PDS5A: variants seen among roughly 807,000 people sequenced by gnomAD.
PDS5A encodes the protein sister chromatid cohesion protein PDS5 homolog A.
Under a neutral mutation model 167.1 loss-of-function variants are expected in PDS5A, and 42 were observed. The observed-to-expected ratio is 0.25, with a 90% confidence interval of 0.20 to 0.33. The LOEUF (loss-of-function observed/expected upper bound fraction) is 0.33. PDS5A is among the 10% of genes least tolerant of loss of function. The pLI, the probability that PDS5A is intolerant of heterozygous loss-of-function variation, is 1.00. For synonymous variants in PDS5A, 553 were observed against 554.6 expected (o/e 1.00, Z 0.04); for missense variants, 1,033 against 1,605.9 (o/e 0.64, Z 6.10).
At chr4:39,849,278 A>C (rs1014564436) in intron 27 of PDS5A, among the ~76,000 whole-genome samples, 10 of 152,170 alleles carry the variant, frequency 6.6e-5, no homozygotes, top group African/African-American at 2.2e-4. Flanking sequence ...AATATACCAT[A>C]GTTGTACATT....
At chr4:39,842,909 T>TTATATATATATATATA (rs71194933) in intron 30 of PDS5A, among the ~76,000 whole-genome samples, 3,427 of 91,762 alleles carry the variant, frequency 0.037, 170 homozygotes, top group Non-Finnish European at 0.042. Flanking sequence ...TATCCTATTT[T>TTATATATATATATATA]TATATATATA....
intron 7 of PDS5A, among the ~76,000 whole-genome samples, chr4:39,917,710 G>T (rs1394664120): frequency 6.6e-6 from 1 of 152,040 alleles, no homozygotes; most frequent in Non-Finnish European, 1.5e-5. Context: ...GAGTAGCTGG[G>T]ATTACAGGAA....
chr4:39,944,711 AC>A (rs1560506125), intron 2 of PDS5A, among the ~76,000 whole-genome samples: 4 of 151,394 alleles, frequency 2.6e-5, no homozygotes, highest in African/African-American at 2.4e-5. Context: ...AAAAAAAAAA[AC>A]AAAAAGCTGA....
At chr4:39,974,143 T>C (rs1411495457) in intron 2 of PDS5A, 1 of 574,136 alleles carries the variant, frequency 1.7e-6, no homozygotes, top group African/African-American at 1.9e-5. Flanking sequence ...AAAACCGTGC[T>C]GCATACTCTC....
At chr4:39,898,620 G>T in intron 15 of PDS5A, 92 bp from the exon 16 acceptor site, 1 of 957,656 alleles carries the variant, frequency 1.0e-6, no homozygotes, top group Non-Finnish European at 1.5e-6. Context: ...ATATTGCGGA[G>T]CCACTAAAAG....
chr4:39,918,439 C>T (rs946428454), intron 7 of PDS5A, among the ~76,000 whole-genome samples: 30 of 151,856 alleles, frequency 2.0e-4, no homozygotes, highest in African/African-American at 5.6e-4. Flanking sequence ...TGCACACCAC[C>T]GTCACACATG....
chr4:39,931,725 G>A (rs1267056996), intron 2 of PDS5A, among the ~76,000 whole-genome samples: 1 of 152,054 alleles, frequency 6.6e-6, no homozygotes, highest in Non-Finnish European at 1.5e-5. Context: ...AGCCTGTTCC[G>A]TTACTCAGGA....
Position 39,866,864 on chromosome 4 carries a change from A to T in PDS5A, c.2639T>A (p.Ile880Asn). The change falls in exon 23 of 33, where the codon ATC (isoleucine) becomes AAC (asparagine). Residue 880 changes from isoleucine to asparagine, a missense_variant. This residue lies in a region of PDS5A where 367 missense variants were observed against 686.7 expected (regional missense o/e 0.53). Transcript: ENST00000303538. ...SEGDLTEQKR[I>N]SKSDMSRLRL... The stretch of plus-strand genomic sequence containing the variant: ...TGGAAAGAAAGAAAAATCTCACCTG[A>T]TCCTCTTTTGCTCTGTCAGGTCACC... 1 of 1,601,828 alleles carries T rather than the reference A, an allele frequency of 6.2e-7. No individual in the cohort carries two copies. The highest frequency in any genetic ancestry group is 8.5e-7 in the Non-Finnish European group (1 of 1,176,492).
chr4:39,879,797 C>T lies in PDS5A; in HGVS notation c.1923G>A (p.Gly641=). 6.2e-7 allele frequency: 1 copy of T among 1,611,468 alleles called. No individual in the cohort carries two copies. The highest frequency in any genetic ancestry group is 8.5e-7 in the Non-Finnish European group (1 of 1,177,772). ...CACCCTCCTCTTCATCATCTGCTGT[C>T]CCCTCTATTGACTTATTCATCAATT... ...LVKLMNKSIE[G]TADDEEEGVS... The change falls in exon 18 of 33, where the codon GGG becomes GGA. Residue 641 remains glycine, a synonymous_variant. Transcript: ENST00000303538.
At position 39,879,755 on chromosome 4, in the gene PDS5A, A is replaced by G; in HGVS notation, c.1965T>C (p.Ala655=). 1 of 1,609,190 alleles carries G rather than the reference A, an allele frequency of 6.2e-7. No homozygotes were observed. The highest frequency in any genetic ancestry group is 8.5e-7 in the Non-Finnish European group (1 of 1,175,606). Residue 655 remains alanine, a synonymous_variant, in exon 18 of 33, where the codon GCT becomes GCC. Transcript: ENST00000303538. The part of the protein sequence containing the change: ...DEEEGVSPDT[A]IRSGLELLKV... ...TAAGAAGTTCAAGTCCTGAACGGAT[A>G]GCTGTATCTGGACTTACACCCTCCT...
At chr4:39,846,463 A>ATGG (rs1450938909) in intron 28 of PDS5A, 3 of 152,264 alleles carry the variant, frequency 2.0e-5, no homozygotes, top group African/African-American at 7.2e-5. Context: ...GTGCCATTGC[A>ATGG]CTCCAGCCTG....
Position 39,845,840 on chromosome 4 carries a change from C to A in PDS5A, c.3380G>T (p.Arg1127Ile). 1 of 1,396,100 alleles carries A rather than the reference C, an allele frequency of 7.2e-7. No individual in the cohort carries two copies. Among genetic ancestry groups the A allele is most frequent in the Non-Finnish European group, 9.4e-7 (1 of 1,067,278 alleles). The allele number at this position is 1,396,100 out of a possible 1,614,324, so 86.5% of individuals were successfully genotyped here. Residue 1127 changes from arginine (R) to isoleucine (I), a missense_variant, in exon 29 of 33, where the codon AGA becomes ATA. Arg to Ile is a moderately conservative substitution (Grantham distance 97). Transcript: ENST00000303538. ...NDKSYISEETRVLLLTGKPKP... is the reference protein window; with the variant it reads ...NDKSYISEETIVLLLTGKPKP... ...TACCTTTCCTGTTAACAGAAGTACT[C>A]TTGTCTCTTCTGAAATATAACTCTT...
At position 39,861,042 on chromosome 4, in the gene PDS5A, G is replaced by A. The variant is rs1241955980; in HGVS notation, c.3086+1177C>T. On this transcript the variant is annotated intron_variant, in intron 26 of 32. Coordinates refer to ENST00000303538, the MANE Select transcript of PDS5A (RefSeq NM_001100399.2). The stretch of plus-strand genomic sequence containing the variant: ...TCACACCACTGCACTTCAGCCCGGG[G>A]GATAGAGTAAGAACTTGTCTCATTA... Among the ~76,000 whole-genome samples the A allele has an allele frequency of 2.0e-5, 3 of 151,086 alleles. No individual in the cohort carries two copies. In the South Asian group the frequency reaches 6.3e-4, roughly 32 times the overall value.
chr4:39,926,899 A>G, intron 3 of PDS5A, 38 bp from the exon 4 acceptor site: 1 of 1,357,980 alleles, frequency 7.4e-7, no homozygotes, highest in Non-Finnish European at 9.7e-7. Context: ...AGACACAAAT[A>G]CTTTTCTTTC....
At chr4:39,941,263 T>C (rs970857600) in intron 2 of PDS5A, among the ~76,000 whole-genome samples, 5 of 152,210 alleles carry the variant, frequency 3.3e-5, no homozygotes, top group Non-Finnish European at 7.3e-5. Flanking sequence ...AAGTACTCAG[T>C]ATTTCTTGAA....
chr4:39,854,000 T>C (rs533210627), intron 26 of PDS5A, among the ~76,000 whole-genome samples: 1 of 152,312 alleles, frequency 6.6e-6, no homozygotes, highest in South Asian at 2.1e-4. Flanking sequence ...GGTATCTTCA[T>C]TTGTAAAATG....
intron 2 of PDS5A, among the ~76,000 whole-genome samples, chr4:39,967,685 C>A (rs1479450369): frequency 1.3e-5 from 2 of 151,462 alleles, no homozygotes; most frequent in Non-Finnish European, 2.9e-5. Context: ...AAAGGCCAGG[C>A]ACAGTGGCTC....
chr4:39,959,593 C>A (rs984659722), intron 2 of PDS5A, among the ~76,000 whole-genome samples: 1 of 152,144 alleles, frequency 6.6e-6, no homozygotes, highest in Non-Finnish European at 1.5e-5. Flanking sequence ...CTGCCTTGGC[C>A]TCCCAAAGTG....
chr4:39,904,316 C>T (rs1723126057), intron 11 of PDS5A, 125 bp from the exon 12 acceptor site: 1 of 508,342 alleles, frequency 2.0e-6, no homozygotes, highest in Admixed American at 4.0e-5. Context: ...CACACTATTT[C>T]TCTTCAAAAG....
Sources: allele counts gnomAD v4.1 joint callset (sites outside exome capture counted in the v4.1 genomes callset), GRCh38; gene constraint gnomAD v4.1.1; regional missense constraint gnomAD v4.1.1; transcripts MANE v1.5; gene names NCBI Gene and HGNC (gene_info 2026-07-23, HGNC 2026-07-21).